ELSPBP1: variants seen among roughly 807,000 people sequenced by gnomAD.
ELSPBP1 encodes the protein epididymal sperm binding protein 1.
In ELSPBP1, 38 loss-of-function variants were observed where a neutral mutation model predicts 33.3. The ratio of observed to expected loss-of-function variants is 1.14; its 90% CI spans 0.88 to 1.50. ELSPBP1 has a LOEUF of 1.50. ELSPBP1 is among the 40% of genes most tolerant of loss of function. The probability of loss-of-function intolerance (pLI) is 0.00; values close to 1 mark genes in which losing one functional copy is unlikely to be tolerated. For synonymous variants in ELSPBP1, 85 were observed against 94.1 expected, an observed-to-expected ratio of 0.90 and a Z score of 0.56; for missense variants, 267 against 263.5, an observed-to-expected ratio of 1.01 and a Z score of -0.09.
chr19:48,023,884 T>A (rs963120765), intron 6 of ELSPBP1, among the ~76,000 whole-genome samples: 6 of 152,024 alleles, frequency 3.9e-5, no homozygotes, highest in East Asian at 1.9e-4. Flanking sequence ...TTATTTATTT[T>A]TTTTGAGACG....
intron 1 of ELSPBP1, among the ~76,000 whole-genome samples, chr19:47,998,425 AAATC>A (rs1033846315): frequency 4.0e-5 from 6 of 151,678 alleles, no homozygotes; most frequent in Non-Finnish European, 5.9e-5. Flanking sequence ...AAAAGAAAAA[AAATC>A]AATCAATCAA....
chr19:48,002,110 C>T (rs1966974029), intron 1 of ELSPBP1, among the ~76,000 whole-genome samples: 1 of 152,134 alleles, frequency 6.6e-6, no homozygotes, highest in Non-Finnish European at 1.5e-5. Context: ...CTATGAACGA[C>T]ACTAACATTC....
At chr19:48,022,592 A>G (rs1967213750) in intron 6 of ELSPBP1, among the ~76,000 whole-genome samples, 1 of 152,166 alleles carries the variant, frequency 6.6e-6, no homozygotes, top group Non-Finnish European at 1.5e-5. Flanking sequence ...GGATGAAAGA[A>G]ATTGGGATTT....
chr19:48,019,912 G>T, intron 5 of ELSPBP1, 35 bp downstream of exon 5: 1 of 1,594,166 alleles, frequency 6.3e-7, no homozygotes, highest in African/African-American at 1.4e-5. Context: ...GGGTGTGGGT[G>T]GAGTCTTTCT....
At chr19:48,000,231 GC>G (rs1273826115) in intron 1 of ELSPBP1, among the ~76,000 whole-genome samples, 3 of 18,960 alleles carry the variant, frequency 1.6e-4, no homozygotes, top group East Asian at 1.6e-3. Context: ...CAAAAATCCT[GC>G]CCCCTCCCCC....
intron 4 of ELSPBP1, among the ~76,000 whole-genome samples, chr19:48,018,273 A>G (rs1163079213): frequency 1.3e-5 from 2 of 152,152 alleles, no homozygotes; most frequent in African/African-American, 4.8e-5. Flanking sequence ...TATCTGCAAA[A>G]TGAGAATGCT....
At chr19:48,014,071 A>T in intron 2 of ELSPBP1, 100 bp from the exon 3 acceptor site, 1 of 1,378,016 alleles carries the variant, frequency 7.3e-7, no homozygotes. Flanking sequence ...CAGGGAGGGA[A>T]CACGGACATT....
intron 1 of ELSPBP1, among the ~76,000 whole-genome samples, chr19:47,999,097 T>A (rs1241205362): frequency 1.3e-5 from 2 of 152,150 alleles, no homozygotes; most frequent in African/African-American, 4.8e-5. Flanking sequence ...TGACTCTAGG[T>A]TTTGGTTCAA....
chr19:48,020,921 G>A (rs574396570), intron 5 of ELSPBP1, among the ~76,000 whole-genome samples: 1 of 152,188 alleles, frequency 6.6e-6, no homozygotes, highest in Non-Finnish European at 1.5e-5. Context: ...TGGGTGGGGG[G>A]GTGTGTTGTT....
chr19:48,012,988 C>A (rs1295624656), intron 2 of ELSPBP1, among the ~76,000 whole-genome samples: 1 of 152,156 alleles, frequency 6.6e-6, no homozygotes, highest in East Asian at 1.9e-4. Context: ...CTCCCCACCC[C>A]CCTCTCTTTT....
rs150199608 is a variant in ELSPBP1, at chr19:48,014,184, A to G, written c.84A>G (p.Glu28=). 252 of 1,613,578 alleles carry G rather than the reference A, an allele frequency of 1.6e-4. 1 individual carries two copies. In the African/African-American group the frequency reaches 2.9e-3, roughly 18 times the overall value. ...SYESSGGMHE[E]CVFPFTYKGS... ...TCTGCCCTTCAGGGATGCATGAGGA[A>G]TGTGTCTTTCCTTTCACCTACAAGG... The change falls in exon 3 of 7, where the codon GAA becomes GAG. Residue 28 remains glutamate (E), a synonymous_variant. Transcript: ENST00000339841.
intron 1 of ELSPBP1, 72 bp from the exon 2 acceptor site, chr19:48,008,579 C>A: frequency 9.6e-7 from 1 of 1,041,976 alleles, no homozygotes. Flanking sequence ...GCATGTATGA[C>A]GTCAAATCTA....
chr19:48,019,468 AG>A (rs1967175181), intron 4 of ELSPBP1, among the ~76,000 whole-genome samples: 1 of 152,208 alleles, frequency 6.6e-6, no homozygotes. Flanking sequence ...CTAGCTTAGT[AG>A]AGTCAAGGTG....
At chr19:48,006,449 A>G (rs1351222817) in intron 1 of ELSPBP1, among the ~76,000 whole-genome samples, 2 of 151,826 alleles carry the variant, frequency 1.3e-5, no homozygotes, top group African/African-American at 4.8e-5. Context: ...CCCTGTCTCT[A>G]CTAAAAATAC....
In ELSPBP1 at chr19:48,019,915, GTCTT is replaced by G. The variant is rs753300041; in HGVS notation, c.514+45_514+48del. 2.5e-6 allele frequency: 4 copies of G among 1,591,648 alleles called. No homozygotes were observed. The African/African-American group carries it at 4.1e-5, about 16-fold the overall frequency. ...TGGGGGTTGGGTGGGTGTGGGTGGAGTCTTTCTTTCATTTGCTCAACAAACACCT... is the reference window on the plus strand; with the variant it reads ...TGGGGGTTGGGTGGGTGTGGGTGGAGTCTTTCATTTGCTCAACAAACACCT... On this transcript the variant is annotated intron_variant, in intron 5 of 6. Coordinates refer to ENST00000339841, the MANE Select transcript of ELSPBP1 (RefSeq NM_022142.5).
rs994402603 is a variant in ELSPBP1, at chr19:48,008,843, A to C, written c.70+106A>C. ...GTAGGCAGGAGATGGCTTAGCAAAA[A>C]TCTCAGAAGAAGCTGGGCGCGGTGG... On this transcript the variant is annotated intron_variant, in intron 2 of 6. Transcript: ENST00000339841. 6.9e-6 allele frequency: 7 copies of C among 1,017,196 alleles called. 1 individual carries two copies. The highest frequency in any genetic ancestry group is 1.6e-5 in the African/African-American group (1 of 62,206). 63.0% of individuals were successfully genotyped at this position (1,017,196 alleles called of 1,614,324 possible).
At chr19:48,003,612 C>G (rs1966988779) in intron 1 of ELSPBP1, among the ~76,000 whole-genome samples, 1 of 150,466 alleles carries the variant, frequency 6.6e-6, no homozygotes, top group Admixed American at 6.6e-5. Context: ...TCTCGGCTCA[C>G]TGCAACCTCC....
In ELSPBP1 at chr19:48,019,881, A is replaced by G. The variant is rs202156222; in HGVS notation, c.514+4A>G. On this transcript the variant is annotated splice_donor_region_variant and intron_variant, in intron 5 of 6. Transcript: ENST00000339841. Reference sequence around the variant, plus strand: ...TGGAGTTTCTGTGCCGACACCAGTAATCTGGGGATGGGGGTTGGGTGGGTG... The same window carrying G: ...TGGAGTTTCTGTGCCGACACCAGTAGTCTGGGGATGGGGGTTGGGTGGGTG... 1.3e-6 allele frequency: 2 copies of G among 1,589,844 alleles called. No individual in the cohort carries two copies. Among genetic ancestry groups the G allele is most frequent in the East Asian group, 2.3e-5 (1 of 43,362 alleles).
At position 48,019,743 on chromosome 19, in the gene ELSPBP1, A is replaced by T. The variant is rs1323394044; in HGVS notation, c.380A>T (p.Lys127Met). ...TNEYGGNSLR[K>M]PCIFPSIYRN... ...GAGTATGGGGGAAATTCTCTCAGGAAGCCCTGCATCTTCCCCTCCATCTAC... is the reference window on the plus strand; with the variant it reads ...GAGTATGGGGGAAATTCTCTCAGGATGCCCTGCATCTTCCCCTCCATCTAC... Residue 127 changes from lysine to methionine, a missense_variant, in exon 5 of 7, where the codon AAG becomes ATG. Lys to Met is a moderately conservative substitution (Grantham distance 95). Coordinates refer to ENST00000339841, the MANE Select transcript of ELSPBP1 (RefSeq NM_022142.5). 14 of 1,613,892 alleles carry T rather than the reference A, an allele frequency of 8.7e-6. No individual in the cohort carries two copies. The highest frequency in any genetic ancestry group is 1.2e-5 in the Non-Finnish European group (14 of 1,179,972).
Sources: allele counts gnomAD v4.1 joint callset (sites outside exome capture counted in the v4.1 genomes callset), GRCh38; gene constraint gnomAD v4.1.1; transcripts MANE v1.5; gene names NCBI Gene and HGNC (gene_info 2026-07-23, HGNC 2026-07-21).